Variants in NSL1 observed in about 807,000 individuals in gnomAD.
NSL1 encodes the protein kinetochore-associated protein NSL1 homolog.
NSL1 carries 11 observed loss-of-function variants against 25.4 expected under a neutral mutation model. That is an observed-to-expected ratio of 0.43 (90% CI 0.27 to 0.72). The LOEUF is 0.72. Ranked by LOEUF, NSL1 falls within the 30% of genes least tolerant of loss-of-function variation. The probability of loss-of-function intolerance (pLI) is 0.19; values close to 1 mark genes in which losing one functional copy is unlikely to be tolerated. For synonymous variants in NSL1, 118 were observed against 120.6 expected (o/e 0.98, Z 0.14); for missense variants, 330 against 342.7 (o/e 0.96, Z 0.29).
At chr1:212,766,665 A>G (rs892961022) in intron 4 of NSL1, among the ~76,000 whole-genome samples, 2 of 151,738 alleles carry the variant, frequency 1.3e-5, no homozygotes, top group African/African-American at 4.8e-5. Context: ...AAAAAGAAAA[A>G]AAAAGAAAAC....
At chr1:212,779,011 C>T (rs981243099) in intron 4 of NSL1, among the ~76,000 whole-genome samples, 7 of 150,090 alleles carry the variant, frequency 4.7e-5, no homozygotes, top group Admixed American at 2.0e-4. Flanking sequence ...TCTGCCCGGC[C>T]GCCCATCGTC....
intron 4 of NSL1, among the ~76,000 whole-genome samples, chr1:212,774,925 A>G (rs1420992979): frequency 6.6e-6 from 1 of 152,246 alleles, no homozygotes; most frequent in African/African-American, 2.4e-5. Flanking sequence ...GTAAAATGTC[A>G]TTGAGTAAAA....
In NSL1 at chr1:212,791,616, G is replaced by A. The variant is rs1661280364; in HGVS notation, c.148C>T (p.Leu50=). The change falls in exon 1 of 6, where the codon CTA becomes TTA. Residue 50 remains leucine (L), a synonymous_variant. Coordinates refer to ENST00000366977, the MANE Select transcript of NSL1 (RefSeq NM_015471.4). ...CTSKRAVTEM[L]QLCGRFVQKL... The stretch of plus-strand genomic sequence containing the variant: ...TGCACGAAGCGGCCGCACAGTTGTA[G>A]CATTTCGGTCACAGCCCGCTTCGAG... 2 of 1,613,766 alleles carry A rather than the reference G, an allele frequency of 1.2e-6. No homozygotes were observed. Among genetic ancestry groups the A allele is most frequent in the Admixed American group, 1.7e-5 (1 of 59,996 alleles).
intron 4 of NSL1, among the ~76,000 whole-genome samples, chr1:212,764,736 C>T (rs1467043113): frequency 2.7e-5 from 4 of 148,532 alleles, no homozygotes; most frequent in Non-Finnish European, 5.9e-5. Flanking sequence ...ATCCCAGCCA[C>T]TTGGGAGGCT....
Position 212,738,430 on chromosome 1 carries a change from T to C in NSL1, c.824A>G (p.Lys275Arg), listed in dbSNP as rs946201600. The change falls in exon 6 of 6, where the codon AAG becomes AGG. Residue 275 changes from lysine to arginine, a missense_variant. Lys to Arg is a conservative substitution (Grantham distance 26). Coordinates refer to ENST00000366977, the MANE Select transcript of NSL1 (RefSeq NM_015471.4). ...PQRKWYPLRPKKINLDT is the reference protein window; with the variant it reads ...PQRKWYPLRPRKINLDT ...AGCTCATGTATCAAGATTAATTTTC[T>C]TTGGCCGCAATGGATACCATTTTCT... The C allele has an allele frequency of 3.7e-6, 6 of 1,611,784 alleles. No individual in the cohort carries two copies. Among genetic ancestry groups the C allele is most frequent in the Non-Finnish European group, 5.1e-6 (6 of 1,179,288 alleles).
chr1:212,748,553 C>T (rs556699502), intron 4 of NSL1, among the ~76,000 whole-genome samples: 27 of 152,224 alleles, frequency 1.8e-4, no homozygotes, highest in Admixed American at 3.3e-4. Flanking sequence ...ACATTCAAAA[C>T]GTGGATGAAT....
chr1:212,766,314 C>G, intron 4 of NSL1: 2 of 549,536 alleles, frequency 3.6e-6, no homozygotes, highest in Non-Finnish European at 6.5e-6. Context: ...CACTTCTATT[C>G]AACATAGTAC....
At position 212,791,775 on chromosome 1, in the gene NSL1, A is replaced by T; in HGVS notation, c.-12T>A. ...GGAGACCCCGCCATTTTTCGTCGGAACTGTGGGCGGGGCACTCTGGGAGCG... is the reference window on the plus strand; with the variant it reads ...GGAGACCCCGCCATTTTTCGTCGGATCTGTGGGCGGGGCACTCTGGGAGCG... On this transcript the variant is annotated 5_prime_UTR_variant, in exon 1 of 6. Coordinates refer to ENST00000366977, the MANE Select transcript of NSL1 (RefSeq NM_015471.4). The T allele has an allele frequency of 3.7e-6, 6 of 1,601,054 alleles. No individual in the cohort carries two copies. Among genetic ancestry groups the T allele is most frequent in the Non-Finnish European group, 5.1e-6 (6 of 1,172,042 alleles).
chr1:212,774,870 G>A (rs186308944), intron 4 of NSL1, among the ~76,000 whole-genome samples: 51 of 152,316 alleles, frequency 3.3e-4, no homozygotes, highest in African/African-American at 1.1e-3. Flanking sequence ...ACAGGAACTT[G>A]TACATGAATG....
intron 4 of NSL1, chr1:212,781,939 T>C: frequency 5.1e-6 from 2 of 390,538 alleles, no homozygotes; most frequent in Admixed American, 3.0e-5. Flanking sequence ...TACTTATTTC[T>C]TCTTAAATTC....
At chr1:212,752,237 A>G (rs1445064056) in intron 4 of NSL1, among the ~76,000 whole-genome samples, 1 of 152,252 alleles carries the variant, frequency 6.6e-6, no homozygotes, top group Non-Finnish European at 1.5e-5. Flanking sequence ...AGGGTTGCCT[A>G]GAAACATATT....
chr1:212,737,790 A>G lies in NSL1; in HGVS notation c.*618T>C. 2 of 985,464 alleles carry G rather than the reference A, an allele frequency of 2.0e-6. No individual in the cohort carries two copies. The highest frequency in any genetic ancestry group is 5.2e-4 in the Middle Eastern group (1 of 1,914). The allele number at this position is 985,464 out of a possible 1,614,324, so 61.0% of individuals were successfully genotyped here. A position where few individuals can be genotyped will look rare whatever the true frequency, so the allele number is the denominator to read the frequency against. ...ATGCCAATTTTTATTTCAAAGAGTA[A>G]TGTTGCACAAATAATAGTTATCATT... On this transcript the variant is annotated 3_prime_UTR_variant, in exon 6 of 6. Coordinates refer to ENST00000366977, the MANE Select transcript of NSL1 (RefSeq NM_015471.4).
At chr1:212,771,233 G>A (rs765898581) in intron 4 of NSL1, among the ~76,000 whole-genome samples, 2 of 152,142 alleles carry the variant, frequency 1.3e-5, no homozygotes, top group Non-Finnish European at 2.9e-5. Context: ...AGAATCACTT[G>A]AATCTGGGAG....
intron 4 of NSL1, among the ~76,000 whole-genome samples, chr1:212,769,532 T>C (rs1659999816): frequency 6.6e-6 from 1 of 152,088 alleles, no homozygotes; most frequent in Non-Finnish European, 1.5e-5. Flanking sequence ...CCTTCAAAAA[T>C]GAAGGAGAAA....
intron 4 of NSL1, among the ~76,000 whole-genome samples, chr1:212,774,262 A>G (rs1660255715): frequency 1.3e-5 from 2 of 152,224 alleles, no homozygotes; most frequent in Non-Finnish European, 2.9e-5. Context: ...TTCCCAGCAC[A>G]AAGAAACAAT....
At chr1:212,776,057 C>T (rs1038408446) in intron 4 of NSL1, among the ~76,000 whole-genome samples, 18 of 152,118 alleles carry the variant, frequency 1.2e-4, no homozygotes, top group African/African-American at 3.6e-4. Flanking sequence ...GCTCGTGATC[C>T]GCCCACCTCG....
chr1:212,766,645 TAA>T (rs1235557027), intron 4 of NSL1, among the ~76,000 whole-genome samples: 3 of 122,448 alleles, frequency 2.5e-5, no homozygotes, highest in African/African-American at 3.0e-5. Context: ...GACTCCATCT[TAA>T]AAAAAAAAAA....
chr1:212,782,459 C>A (rs759135888), intron 3 of NSL1, 33 bp from the exon 4 acceptor site: 2 of 1,409,854 alleles, frequency 1.4e-6, no homozygotes, highest in Admixed American at 3.4e-5. Flanking sequence ...CAGATTTAAT[C>A]ACTTAATGCT....
chr1:212,778,066 A>G (rs1660460841), intron 4 of NSL1, among the ~76,000 whole-genome samples: 1 of 152,128 alleles, frequency 6.6e-6, no homozygotes, highest in African/African-American at 2.4e-5. Flanking sequence ...TATTAAGAAC[A>G]ATTTATGGGA....
Sources: allele counts gnomAD v4.1 joint callset (sites outside exome capture counted in the v4.1 genomes callset), GRCh38; gene constraint gnomAD v4.1.1; transcripts MANE v1.5; gene names NCBI Gene and HGNC (gene_info 2026-07-23, HGNC 2026-07-21).